GREM2: variants seen among roughly 807,000 people sequenced by gnomAD.
The protein encoded by GREM2 is gremlin-2.
GREM2 carries 11 observed loss-of-function variants against 14.2 expected under a neutral mutation model. The ratio of observed to expected loss-of-function variants is 0.78; its 90% CI spans 0.49 to 1.28. The LOEUF (loss-of-function observed/expected upper bound fraction) is 1.28. GREM2 is among the 50% of genes most tolerant of loss of function. The probability of loss-of-function intolerance (pLI) is 0.00; values close to 1 mark genes in which losing one functional copy is unlikely to be tolerated. For missense variants in GREM2, 210 were observed against 218.5 expected, an observed-to-expected ratio of 0.96 and a Z score of 0.24; for synonymous variants, 98 against 97.6, an observed-to-expected ratio of 1.00 and a Z score of -0.02.
At chr1:240,512,948 T>C (rs1371565093) in intron 1 of GREM2, among the ~76,000 whole-genome samples, 1 of 152,204 alleles carries the variant, frequency 6.6e-6, no homozygotes, top group Non-Finnish European at 1.5e-5. Context: ...GCCTACTATG[T>C]GCCAGGTGCA....
chr1:240,527,776 A>T (rs555877202), intron 1 of GREM2, among the ~76,000 whole-genome samples: 153 of 152,322 alleles, frequency 1.0e-3, no homozygotes, highest in African/African-American at 3.6e-3. Flanking sequence ...GTCTCTAATT[A>T]CTTGTCTAAG....
At chr1:240,514,247 CAAAAAAAAAAAAA>C (rs34702912) in intron 1 of GREM2, among the ~76,000 whole-genome samples, 1 of 80,284 alleles carries the variant, frequency 1.2e-5, no homozygotes, top group Non-Finnish European at 2.4e-5. Flanking sequence ...GATTCCATCT[CAAAAAAAAAAAAA>C]AAAAAAAAAG....
intron 1 of GREM2, among the ~76,000 whole-genome samples, chr1:240,576,992 T>TA (rs1313729118): frequency 6.6e-6 from 1 of 152,228 alleles, no homozygotes; most frequent in Non-Finnish European, 1.5e-5. Context: ...TGGTGTTTCT[T>TA]ACCATTACTT....
chr1:240,582,563 A>G (rs1679506277), intron 1 of GREM2, among the ~76,000 whole-genome samples: 2 of 152,104 alleles, frequency 1.3e-5, no homozygotes, highest in South Asian at 4.1e-4. Context: ...TGGGAGGCCG[A>G]GACAGGTGGA....
At chr1:240,568,687 CT>C (rs1258111098) in intron 1 of GREM2, among the ~76,000 whole-genome samples, 1 of 152,086 alleles carries the variant, frequency 6.6e-6, no homozygotes, top group East Asian at 1.9e-4. Context: ...GCCTTTCTTT[CT>C]TGATTGAAAG....
intron 1 of GREM2, among the ~76,000 whole-genome samples, chr1:240,597,681 A>C (rs1679848107): frequency 6.6e-6 from 1 of 152,198 alleles, no homozygotes; most frequent in Non-Finnish European, 1.5e-5. Context: ...AAACTCAATA[A>C]ATGTTTGTTG....
In GREM2 at chr1:240,560,096, GGC is replaced by G. The variant is rs757520487; in HGVS notation, c.-2+51786_-2+51787del. 2.2e-4 allele frequency among the ~76,000 whole-genome samples: 34 copies of G among 152,090 alleles called. 1 individual carries two copies. The highest frequency in any genetic ancestry group is 5.2e-4 in the Admixed American group (8 of 15,254). On this transcript the variant is annotated intron_variant, in intron 1 of 1. Coordinates refer to ENST00000318160, the MANE Select transcript of GREM2 (RefSeq NM_022469.4). ...AGTCCAAGAGTTCAAGACCAGCCTA[GGC>G]AACACAGTGAGACTTCACCTCATTT...
intron 1 of GREM2, among the ~76,000 whole-genome samples, chr1:240,544,598 A>T (rs1558156756): frequency 6.6e-6 from 1 of 152,146 alleles, no homozygotes; most frequent in Non-Finnish European, 1.5e-5. Flanking sequence ...TATATCAATC[A>T]AGGCTATGTG....
At chr1:240,591,002 A>C (rs562929080) in intron 1 of GREM2, among the ~76,000 whole-genome samples, 1 of 151,302 alleles carries the variant, frequency 6.6e-6, no homozygotes, top group African/African-American at 2.4e-5. Flanking sequence ...GGCTGGTCTC[A>C]AATGCCTGAC....
intron 1 of GREM2, among the ~76,000 whole-genome samples, chr1:240,527,894 G>T (rs1678260669): frequency 6.6e-6 from 1 of 152,190 alleles, no homozygotes; most frequent in East Asian, 1.9e-4. Flanking sequence ...AATAAAAAAT[G>T]TAATGGCCTC....
chr1:240,528,346 T>C (rs984075112), intron 1 of GREM2, among the ~76,000 whole-genome samples: 2 of 152,304 alleles, frequency 1.3e-5, no homozygotes, highest in South Asian at 2.1e-4. Context: ...GATTTTACTA[T>C]GTGAATTTCA....
chr1:240,566,255 C>G (rs1290433002), intron 1 of GREM2, among the ~76,000 whole-genome samples: 2 of 152,184 alleles, frequency 1.3e-5, no homozygotes, highest in Non-Finnish European at 2.9e-5. Flanking sequence ...AATTTATGCT[C>G]TTGCCTGAAA....
At chr1:240,514,183 G>A (rs1245065902) in intron 1 of GREM2, among the ~76,000 whole-genome samples, 1 of 143,770 alleles carries the variant, frequency 7.0e-6, no homozygotes, top group Non-Finnish European at 1.5e-5. Flanking sequence ...GGAGGTGGAG[G>A]TTTCAGTGAG....
chr1:240,600,769 C>G (rs1558179449), intron 1 of GREM2, among the ~76,000 whole-genome samples: 1 of 152,158 alleles, frequency 6.6e-6, no homozygotes, highest in Non-Finnish European at 1.5e-5. Context: ...CAGGCGTGAG[C>G]CACCGTGCCT....
At chr1:240,532,386 G>A (rs1487532245) in intron 1 of GREM2, among the ~76,000 whole-genome samples, 1 of 151,986 alleles carries the variant, frequency 6.6e-6, no homozygotes, top group Non-Finnish European at 1.5e-5. Context: ...GCCCGGCCTT[G>A]AACTAAATTA....
At chr1:240,561,723 C>T (rs999946301) in intron 1 of GREM2, among the ~76,000 whole-genome samples, 3 of 151,432 alleles carry the variant, frequency 2.0e-5, no homozygotes, top group Non-Finnish European at 2.9e-5. Context: ...CACACACACA[C>T]ACAAACTGCC....
chr1:240,599,294 G>T (rs991992545), intron 1 of GREM2, among the ~76,000 whole-genome samples: 19 of 151,288 alleles, frequency 1.3e-4, no homozygotes, highest in Middle Eastern at 3.4e-3. Context: ...TACAACAACA[G>T]TAAGTGAGGG....
chr1:240,561,531 G>T (rs917725467), intron 1 of GREM2, among the ~76,000 whole-genome samples: 2 of 152,032 alleles, frequency 1.3e-5, no homozygotes, highest in Non-Finnish European at 2.9e-5. Flanking sequence ...CCATAAATAA[G>T]CTACTTCATA....
At chr1:240,577,300 A>G (rs1261300873) in intron 1 of GREM2, among the ~76,000 whole-genome samples, 1 of 151,892 alleles carries the variant, frequency 6.6e-6, no homozygotes. Flanking sequence ...AAAATTAAAA[A>G]CATGTTTCTT....
Sources: gnomAD v4.1 joint callset for allele counts (sites outside exome capture counted in the v4.1 genomes callset) on GRCh38, gnomAD v4.1.1 for gene constraint, MANE v1.5 for transcripts, NCBI Gene and HGNC (gene_info 2026-07-23, HGNC 2026-07-21) for gene names.